Variants in SAMD5 observed in about 807,000 individuals in gnomAD.
SAMD5 encodes sterile alpha motif domain containing 5.
SAMD5 carries 13 observed loss-of-function variants against 11.3 expected under a neutral mutation model. The ratio of observed to expected loss-of-function variants is 1.15; its 90% CI spans 0.75 to 1.83. The LOEUF is 1.83. SAMD5 is among the 40% of genes most tolerant of loss of function. The pLI, the probability that SAMD5 is intolerant of heterozygous loss-of-function variation, is 0.00. For synonymous variants in SAMD5, 129 were observed against 111.3 expected (o/e 1.16, Z -1.00); for missense variants, 255 against 239.1 (o/e 1.07, Z -0.44).
At chr6:147,720,673 T>C (rs193253844) in intron 1 of SAMD5, among the ~76,000 whole-genome samples, 2 of 152,218 alleles carry the variant, frequency 1.3e-5, no homozygotes, top group East Asian at 1.9e-4. Context: ...TATAAGACTT[T>C]AAATTTCTTT....
At chr6:147,574,691 T>C (rs1789192374), downstream of SAMD5, among the ~76,000 whole-genome samples, 1 of 152,166 alleles carries the variant, frequency 6.6e-6, no homozygotes, top group South Asian at 2.1e-4. Flanking sequence ...GAGGGTTGCA[T>C]TCTCCAGAGA....
chr6:147,717,719 G>C (rs1562358948), intron 1 of SAMD5, among the ~76,000 whole-genome samples: 1 of 152,190 alleles, frequency 6.6e-6, no homozygotes, highest in Non-Finnish European at 1.5e-5. Flanking sequence ...GTGGGCACCT[G>C]TAGTCCCAGC....
intron 1 of SAMD5, 68 bp downstream of exon 1, chr6:147,509,455 C>G (rs1788054274): frequency 9.4e-6 from 13 of 1,385,718 alleles, no homozygotes; most frequent in Non-Finnish European, 1.2e-5. Flanking sequence ...CTGCCTGTGC[C>G]AAGGCTTTGC....
chr6:147,582,786 G>A (rs150049346), intron 1 of SAMD5, among the ~76,000 whole-genome samples: 32 of 152,316 alleles, frequency 2.1e-4, no homozygotes, highest in Middle Eastern at 3.4e-3. Context: ...GAATGCTTAA[G>A]GTGCAGAGCC....
At chr6:147,573,418 G>A (rs141832862), downstream of SAMD5, among the ~76,000 whole-genome samples, 9 of 152,262 alleles carry the variant, frequency 5.9e-5, no homozygotes, top group East Asian at 3.9e-4. Flanking sequence ...ATCAGATCTC[G>A]TGAGAACTAA....
chr6:147,592,920 G>A (rs929153935), intron 1 of SAMD5, among the ~76,000 whole-genome samples: 5 of 152,122 alleles, frequency 3.3e-5, no homozygotes, highest in African/African-American at 1.2e-4. Flanking sequence ...CCTTAAGCCA[G>A]AGAACGCTCC....
At chr6:147,584,763 T>G (rs1279972427) in intron 1 of SAMD5, among the ~76,000 whole-genome samples, 2 of 152,220 alleles carry the variant, frequency 1.3e-5, no homozygotes, top group Non-Finnish European at 2.9e-5. Flanking sequence ...TTTAGAGAGT[T>G]TCAGACCACT....
chr6:147,885,478 T>A, the SAMD5 span, among the ~76,000 whole-genome samples: 1 of 152,108 alleles, frequency 6.6e-6, no homozygotes, highest in Non-Finnish European at 1.5e-5. Context: ...AATATTTTGT[T>A]TCCTCTCTTA....
chr6:147,542,737 A>G (rs969291314), intron 1 of SAMD5, among the ~76,000 whole-genome samples: 1 of 152,102 alleles, frequency 6.6e-6, no homozygotes, highest in African/African-American at 2.4e-5. Flanking sequence ...AGAGGGTTAA[A>G]ATTTTGTAGC....
At chr6:147,754,063 C>T in the SAMD5 span, among the ~76,000 whole-genome samples, 1 of 152,040 alleles carries the variant, frequency 6.6e-6, no homozygotes, top group Non-Finnish European at 1.5e-5. Flanking sequence ...TGGGTATATA[C>T]CCAGCAGTGG....
chr6:147,765,985 A>G, the SAMD5 span, among the ~76,000 whole-genome samples: 6,799 of 152,204 alleles, frequency 0.045, 205 homozygotes, highest in Non-Finnish European at 0.068. Context: ...AAAACGTAAG[A>G]AAAAAATATC....
At chr6:147,795,186 G>C in the SAMD5 span, among the ~76,000 whole-genome samples, 1 of 143,156 alleles carries the variant, frequency 7.0e-6, no homozygotes, top group East Asian at 2.1e-4. Flanking sequence ...TCTAGCATTA[G>C]GTATATCTCC....
intron 1 of SAMD5, among the ~76,000 whole-genome samples, chr6:147,681,721 C>T (rs562107464): frequency 4.6e-5 from 7 of 152,236 alleles, no homozygotes; most frequent in South Asian, 2.1e-4. Flanking sequence ...TTGAAGATTT[C>T]GGTTCTTGTT....
intron 1 of SAMD5, among the ~76,000 whole-genome samples, chr6:147,601,597 C>T (rs568053695): frequency 5.3e-5 from 8 of 152,218 alleles, no homozygotes; most frequent in East Asian, 3.9e-4. Flanking sequence ...TCCATGTACA[C>T]GTCGTTTGAA....
chr6:147,596,805 G>A (rs980981090), intron 1 of SAMD5, among the ~76,000 whole-genome samples: 1 of 152,198 alleles, frequency 6.6e-6, no homozygotes, highest in Non-Finnish European at 1.5e-5. Flanking sequence ...GATGGGTGTT[G>A]TGGAAGAAGG....
the SAMD5 span, among the ~76,000 whole-genome samples, chr6:147,747,621 C>T: frequency 1.3e-5 from 2 of 152,186 alleles, no homozygotes; most frequent in East Asian, 1.9e-4. Context: ...AGCAATCTTT[C>T]CACCTCAGCC....
chr6:147,925,910 C>A, the SAMD5 span, among the ~76,000 whole-genome samples: 1 of 152,092 alleles, frequency 6.6e-6, no homozygotes, highest in Admixed American at 6.6e-5. Flanking sequence ...CATCATTTAG[C>A]TCCCACTTAT....
the SAMD5 span, among the ~76,000 whole-genome samples, chr6:147,851,664 A>G: frequency 6.6e-6 from 1 of 152,114 alleles, no homozygotes; most frequent in Non-Finnish European, 1.5e-5. Context: ...TCTTGGTTTA[A>G]CACTCCTGAA....
chr6:147,824,515 C>G, the SAMD5 span, among the ~76,000 whole-genome samples: 1 of 152,078 alleles, frequency 6.6e-6, no homozygotes, highest in Non-Finnish European at 1.5e-5. Context: ...CCTCAGCGCT[C>G]CTTGATGTGC....
Sources: allele counts gnomAD v4.1 joint callset (sites outside exome capture counted in the v4.1 genomes callset), GRCh38; gene constraint gnomAD v4.1.1; transcripts MANE v1.5; gene names NCBI Gene and HGNC (gene_info 2026-07-23, HGNC 2026-07-21).